FOXN2: variants seen among roughly 807,000 people sequenced by gnomAD.
FOXN2 encodes forkhead box protein N2.
In FOXN2, 19 loss-of-function variants were observed where a neutral mutation model predicts 41.2. That is an observed-to-expected ratio of 0.46 (90% confidence interval 0.32 to 0.68). The LOEUF (loss-of-function observed/expected upper bound fraction) is 0.68, where lower values mean the gene tolerates loss of function less well. Among genes scored for constraint, FOXN2 ranks in the 30% least tolerant of loss-of-function variants. The probability of loss-of-function intolerance (pLI) is 0.03; values close to 1 mark genes in which losing one functional copy is unlikely to be tolerated. For missense variants in FOXN2, 587 were observed against 509.4 expected, an observed-to-expected ratio of 1.15 and a Z score of -1.47; for synonymous variants, 195 against 176.8, an observed-to-expected ratio of 1.10 and a Z score of -0.82.
At chr2:48,339,929 G>C (rs899137200) in intron 2 of FOXN2, among the ~76,000 whole-genome samples, 1 of 152,248 alleles carries the variant, frequency 6.6e-6, no homozygotes, top group East Asian at 1.9e-4. Flanking sequence ...TGGAATACTA[G>C]TCTCTGTAAA....
chr2:48,370,446 T>G (rs577576647), intron 5 of FOXN2, among the ~76,000 whole-genome samples: 3 of 152,324 alleles, frequency 2.0e-5, no homozygotes, highest in East Asian at 3.9e-4. Context: ...GATATCATTC[T>G]TTCTCTCCCT....
At chr2:48,366,028 T>C (rs929335623) in intron 5 of FOXN2, among the ~76,000 whole-genome samples, 3 of 152,136 alleles carry the variant, frequency 2.0e-5, no homozygotes, top group African/African-American at 7.2e-5. Context: ...CCTTGGGATA[T>C]GCATAGATGA....
chr2:48,357,136 A>G (rs1671845608), intron 3 of FOXN2, among the ~76,000 whole-genome samples: 1 of 152,200 alleles, frequency 6.6e-6, no homozygotes, highest in African/African-American at 2.4e-5. Context: ...GAACAGACCC[A>G]GTGAAAGGAA....
At chr2:48,362,462 A>C (rs1319860675) in intron 4 of FOXN2, among the ~76,000 whole-genome samples, 181 bp from the exon 5 acceptor site, 1 of 152,150 alleles carries the variant, frequency 6.6e-6, no homozygotes, top group Admixed American at 6.5e-5. Flanking sequence ...CCAGCCACTC[A>C]GGCAGCTAAG....
chr2:48,363,068 G>C (rs1416643855), intron 5 of FOXN2, among the ~76,000 whole-genome samples: 2 of 152,114 alleles, frequency 1.3e-5, no homozygotes, highest in African/African-American at 4.8e-5. Context: ...AACTGTAAAA[G>C]AGCCTCACAC....
At chr2:48,324,797 T>C (rs1669556724) in intron 1 of FOXN2, among the ~76,000 whole-genome samples, 1 of 152,178 alleles carries the variant, frequency 6.6e-6, no homozygotes, top group South Asian at 2.1e-4. Context: ...TTTATTTTGG[T>C]CTCTTAACAT....
In FOXN2 at chr2:48,328,751, G is replaced by C. The variant is rs746400654; in HGVS notation, c.-15+49G>C. The C allele has an allele frequency of 3.2e-4, 48 of 152,050 alleles. 1 individual carries two copies. Among genetic ancestry groups the C allele is most frequent in the African/African-American group, 9.7e-4 (40 of 41,398 alleles). 9.4% of individuals were successfully genotyped at this position (152,050 alleles called of 1,614,324 possible). A position where few individuals can be genotyped will look rare whatever the true frequency, so the allele number is the denominator to read the frequency against. ...TTATTATTTTTGCTCTTTGATTTCTGTGCTGTCAGTTTTTTTTTCTGCTTT... is the reference window on the plus strand; with the variant it reads ...TTATTATTTTTGCTCTTTGATTTCTCTGCTGTCAGTTTTTTTTTCTGCTTT... On this transcript the variant is annotated intron_variant, in intron 2 of 6. Coordinates refer to ENST00000340553, the MANE Select transcript of FOXN2 (RefSeq NM_002158.4).
chr2:48,336,027 C>CA (rs199617210), intron 2 of FOXN2, among the ~76,000 whole-genome samples: 92 of 91,246 alleles, frequency 1.0e-3, no homozygotes, highest in East Asian at 2.6e-3. Flanking sequence ...GACTCTGTCT[C>CA]AAAAAAAAAA....
chr2:48,353,892 C>G (rs567591429), intron 3 of FOXN2, among the ~76,000 whole-genome samples: 3 of 151,480 alleles, frequency 2.0e-5, no homozygotes, highest in African/African-American at 7.3e-5. Flanking sequence ...TTTATGTAGT[C>G]TCCGTTTAAA....
In FOXN2 at chr2:48,338,006, A is replaced by T. The variant is rs757896067; in HGVS notation, c.-14-8195A>T. 3.3e-5 allele frequency among the ~76,000 whole-genome samples: 5 copies of T among 152,230 alleles called. No individual in the cohort carries two copies. The South Asian group carries it at 1.0e-3, about 31-fold the overall frequency. ...GCTTCATCCAATGGACATATATTTC[A>T]TCCATGCACCATAGAAACATCAAAT... On this transcript the variant is annotated intron_variant, in intron 2 of 6. Coordinates refer to ENST00000340553, the MANE Select transcript of FOXN2 (RefSeq NM_002158.4).
At position 48,328,670 on chromosome 2, in the gene FOXN2, T is replaced by C. The variant is rs538506089; in HGVS notation, c.-47T>C. On this transcript the variant is annotated 5_prime_UTR_variant, in exon 2 of 7. Coordinates refer to ENST00000340553, the MANE Select transcript of FOXN2 (RefSeq NM_002158.4). Reference sequence around the variant, plus strand: ...TAATAATTGGTCACTGTATGACTTATAGTACAGGTGATATTACTTCTGATT... The same window carrying C: ...TAATAATTGGTCACTGTATGACTTACAGTACAGGTGATATTACTTCTGATT... The C allele has an allele frequency of 5.9e-5, 9 of 152,338 alleles. No homozygotes were observed. Among genetic ancestry groups the C allele is most frequent in the African/African-American group, 9.6e-5 (4 of 41,582 alleles). The allele number at this position is 152,338 out of a possible 1,614,324, so 9.4% of individuals were successfully genotyped here. A position where few individuals can be genotyped will look rare whatever the true frequency, so the allele number is the denominator to read the frequency against.
At chr2:48,350,613 C>G (rs756553497) in intron 3 of FOXN2, among the ~76,000 whole-genome samples, 1 of 152,124 alleles carries the variant, frequency 6.6e-6, no homozygotes, top group Admixed American at 6.6e-5. Flanking sequence ...TTTGCTTGTT[C>G]AGGGTCTAGA....
At chr2:48,314,291 C>A (rs1202090017), upstream of FOXN2, among the ~76,000 whole-genome samples, 4 of 152,268 alleles carry the variant, frequency 2.6e-5, no homozygotes, top group Non-Finnish European at 5.9e-5. Context: ...CCGCGCCGCG[C>A]CTCCGCCGCA....
rs373248366 is a variant in FOXN2 at position 48,378,756 on chromosome 2, T to C, written c.*3313T>C. The C allele has an allele frequency of 8.5e-5, 13 of 152,420 alleles. No homozygotes were observed. Among genetic ancestry groups the C allele is most frequent in the South Asian group, 8.3e-4 (4 of 4,824 alleles). 9.4% of individuals were successfully genotyped at this position (152,420 alleles called of 1,614,324 possible). A position where few individuals can be genotyped will look rare whatever the true frequency, so the allele number is the denominator to read the frequency against. On this transcript the variant is annotated 3_prime_UTR_variant, in exon 7 of 7. Transcript: ENST00000340553. ...AACCAAGTTTACTTCAGTATGTTAA[T>C]GATGTAGTAAAAATATTTATTGAAA...
intron 5 of FOXN2, among the ~76,000 whole-genome samples, chr2:48,371,917 T>C (rs1451061210): frequency 6.6e-6 from 1 of 152,208 alleles, no homozygotes; most frequent in Non-Finnish European, 1.5e-5. Context: ...CTATCAGTTC[T>C]AAGAGTTTTT....
At chr2:48,373,494 C>G in intron 6 of FOXN2, 134 bp downstream of exon 6, 3 of 555,184 alleles carry the variant, frequency 5.4e-6, no homozygotes, top group Non-Finnish European at 9.5e-6. Flanking sequence ...AACTCAGTTT[C>G]TGTTTTATTA....
chr2:48,315,120 G>A (rs112760677), intron 1 of FOXN2, among the ~76,000 whole-genome samples: 2 of 152,276 alleles, frequency 1.3e-5, no homozygotes, highest in African/African-American at 4.8e-5. Flanking sequence ...GCTGTCGCGC[G>A]GCGGAAACCG....
At chr2:48,338,691 G>T (rs1246591485) in intron 2 of FOXN2, among the ~76,000 whole-genome samples, 3 of 152,058 alleles carry the variant, frequency 2.0e-5, no homozygotes, top group Admixed American at 6.5e-5. Flanking sequence ...GAGCCACCGC[G>T]CCTGGCCTGA....
intron 2 of FOXN2, among the ~76,000 whole-genome samples, chr2:48,329,833 A>T (rs1206983258): frequency 4.6e-5 from 7 of 152,066 alleles, no homozygotes; most frequent in Non-Finnish European, 1.0e-4. Flanking sequence ...TTCCTTTTAT[A>T]TGCCTTTTTT....
Sources: allele counts gnomAD v4.1 joint callset (sites outside exome capture counted in the v4.1 genomes callset), GRCh38; gene constraint gnomAD v4.1.1; transcripts MANE v1.5; gene names NCBI Gene and HGNC (gene_info 2026-07-23, HGNC 2026-07-21).